QTMAN: variants seen among roughly 807,000 people sequenced by gnomAD.
QTMAN encodes the protein queuosine-tRNA mannosyltransferase.
the QTMAN span, among the ~76,000 whole-genome samples, chr2:144,216,695 T>C: frequency 3.9e-5 from 6 of 152,180 alleles, no homozygotes; most frequent in Non-Finnish European, 7.3e-5. Flanking sequence ...TATTTTAACC[T>C]ACCAATACAA....
chr2:144,251,001 T>G, the QTMAN span, among the ~76,000 whole-genome samples: 1 of 152,064 alleles, frequency 6.6e-6, no homozygotes, highest in Admixed American at 6.5e-5. Flanking sequence ...AAGTTAAAAT[T>G]TTATAAGTTA....
chr2:144,148,027 C>T, the QTMAN span, among the ~76,000 whole-genome samples: 2 of 151,842 alleles, frequency 1.3e-5, no homozygotes, highest in Non-Finnish European at 3.0e-5. Context: ...GTATATGATC[C>T]TTTAGTGGAC....
chr2:143,962,310 G>A, the QTMAN span, among the ~76,000 whole-genome samples: 1 of 152,112 alleles, frequency 6.6e-6, no homozygotes, highest in East Asian at 1.9e-4. Context: ...TCTACATGGG[G>A]AGGAAGAAAG....
At chr2:144,296,352 A>C in the QTMAN span, among the ~76,000 whole-genome samples, 134 of 152,340 alleles carry the variant, frequency 8.8e-4, no homozygotes, top group African/African-American at 3.2e-3. Context: ...CTAAACCAAA[A>C]GAAAGGCAAA....
At chr2:143,977,506 A>C in the QTMAN span, among the ~76,000 whole-genome samples, 3 of 152,138 alleles carry the variant, frequency 2.0e-5, no homozygotes, top group Non-Finnish European at 2.9e-5. Flanking sequence ...GTCTGAGTCT[A>C]TGTCACTACT....
At chr2:144,153,450 C>T in the QTMAN span, among the ~76,000 whole-genome samples, 1 of 152,166 alleles carries the variant, frequency 6.6e-6, no homozygotes, top group Non-Finnish European at 1.5e-5. Flanking sequence ...TGGCTCATGC[C>T]TGTAATCCCA....
chr2:144,326,229 T>C, the QTMAN span, among the ~76,000 whole-genome samples: 1 of 152,200 alleles, frequency 6.6e-6, no homozygotes, highest in South Asian at 2.1e-4. Flanking sequence ...TAACTTTTCT[T>C]CTTAATTAAA....
chr2:144,043,094 A>C, the QTMAN span, among the ~76,000 whole-genome samples: 1 of 152,132 alleles, frequency 6.6e-6, no homozygotes, highest in African/African-American at 2.4e-5. Flanking sequence ...CCTCCTCACA[A>C]CACCTTTTTT....
chr2:143,990,024 A>C, the QTMAN span, among the ~76,000 whole-genome samples: 1 of 152,142 alleles, frequency 6.6e-6, no homozygotes, highest in Non-Finnish European at 1.5e-5. Flanking sequence ...TTTCAGACCA[A>C]ATGAATCAGA....
At chr2:144,263,979 A>T in the QTMAN span, among the ~76,000 whole-genome samples, 2 of 152,228 alleles carry the variant, frequency 1.3e-5, no homozygotes, top group South Asian at 4.1e-4. Context: ...ACATTATATA[A>T]TAATATAAAA....
the QTMAN span, among the ~76,000 whole-genome samples, chr2:144,000,338 TTTCTTTAAAGACAAAA>T: frequency 1.3e-5 from 2 of 152,028 alleles, no homozygotes; most frequent in Non-Finnish European, 2.9e-5. Flanking sequence ...CAGAATTCAT[TTTCTTTAAAGACAAAA>T]TTCTTTAAAG....
At chr2:144,190,213 C>T in the QTMAN span, among the ~76,000 whole-genome samples, 4 of 152,108 alleles carry the variant, frequency 2.6e-5, no homozygotes, top group East Asian at 1.9e-4. Flanking sequence ...TATTTATTTA[C>T]ACTTGTTAAA....
At chr2:143,970,814 G>A in the QTMAN span, 5 of 1,020,348 alleles carry the variant, frequency 4.9e-6, no homozygotes, top group East Asian at 1.2e-4. Context: ...GCATGTGTTA[G>A]GAAAAGTGGT....
the QTMAN span, among the ~76,000 whole-genome samples, chr2:143,987,423 T>C: frequency 6.6e-6 from 1 of 152,234 alleles, no homozygotes; most frequent in Non-Finnish European, 1.5e-5. Context: ...AACTGGGAAG[T>C]AACATGTCTA....
chr2:144,210,340 A>C, the QTMAN span, among the ~76,000 whole-genome samples: 1 of 152,192 alleles, frequency 6.6e-6, no homozygotes, highest in Non-Finnish European at 1.5e-5. Flanking sequence ...TACAAATAGC[A>C]AGAAGGTATT....
At chr2:144,294,977 G>C in the QTMAN span, among the ~76,000 whole-genome samples, 2 of 152,156 alleles carry the variant, frequency 1.3e-5, no homozygotes, top group Non-Finnish European at 2.9e-5. Flanking sequence ...CAAATCTTTT[G>C]AGTATCTGAA....
the QTMAN span, among the ~76,000 whole-genome samples, chr2:144,325,030 G>A: frequency 8.5e-5 from 13 of 152,162 alleles, no homozygotes; most frequent in African/African-American, 3.1e-4. Context: ...TTTCAAGTTA[G>A]GATCTATAAA....
chr2:144,057,133 A>C, the QTMAN span, among the ~76,000 whole-genome samples: 1 of 152,162 alleles, frequency 6.6e-6, no homozygotes, highest in East Asian at 1.9e-4. Flanking sequence ...AAGACGTTGA[A>C]CTTCCCTGTA....
chr2:144,233,520 G>A, the QTMAN span, among the ~76,000 whole-genome samples: 1 of 152,168 alleles, frequency 6.6e-6, no homozygotes, highest in African/African-American at 2.4e-5. Context: ...GATGCTGTGA[G>A]GGTAGACCCT....
Sources: gnomAD v4.1 joint callset for allele counts (sites outside exome capture counted in the v4.1 genomes callset) on GRCh38, gnomAD v4.1.1 for gene constraint, MANE v1.5 for transcripts, NCBI Gene and HGNC (gene_info 2026-07-23, HGNC 2026-07-21) for gene names.